The following SIAH1 variants were observed in gnomAD, a reference collection of about 807,000 sequenced individuals.
The protein encoded by SIAH1 is siah E3 ubiquitin protein ligase 1.
A neutral mutation model predicts 20.0 loss-of-function variants in SIAH1; 2 were observed. The observed-to-expected ratio is 0.10, with a 90% CI of 0.04 to 0.31. SIAH1 has a LOEUF of 0.31. Ranked by LOEUF, SIAH1 falls within the 10% of genes least tolerant of loss-of-function variation. The pLI is 1.00. For synonymous variants in SIAH1, 118 were observed against 125.3 expected, an observed-to-expected ratio of 0.94 and a Z score of 0.39; for missense variants, 119 against 355.3, an observed-to-expected ratio of 0.33 and a Z score of 5.35.
chr16:48,370,893 C>A (rs532661909), intron 1 of SIAH1, among the ~76,000 whole-genome samples: 3 of 151,826 alleles, frequency 2.0e-5, no homozygotes, highest in South Asian at 2.1e-4. Context: ...CTGGCGGGAT[C>A]GCTTGAGGTC....
chr16:48,385,763 C>G (rs567234099), upstream of SIAH1, among the ~76,000 whole-genome samples: 26 of 152,088 alleles, frequency 1.7e-4, no homozygotes, highest in African/African-American at 6.3e-4. Flanking sequence ...CGGCTCCGGC[C>G]GGAGGGGTCG....
intron 1 of SIAH1, among the ~76,000 whole-genome samples, chr16:48,379,307 G>A (rs35788196): frequency 1.3e-5 from 2 of 152,162 alleles, no homozygotes; most frequent in East Asian, 1.9e-4. Flanking sequence ...ATAGAACTAA[G>A]GCTTAGAGAG....
intron 1 of SIAH1, among the ~76,000 whole-genome samples, chr16:48,383,126 G>T (rs1024729172): frequency 6.6e-6 from 1 of 152,030 alleles, no homozygotes; most frequent in African/African-American, 2.4e-5. Context: ...GTACTTTGTG[G>T]AATACTTATC....
chr16:48,365,738 T>A, intron 1 of SIAH1: 1 of 1,377,730 alleles, frequency 7.3e-7, no homozygotes, highest in Non-Finnish European at 9.4e-7. Flanking sequence ...TCCTCCAATG[T>A]GCCCTAAGCT....
intron 1 of SIAH1, among the ~76,000 whole-genome samples, chr16:48,364,232 G>A (rs970207895): frequency 6.6e-5 from 10 of 151,976 alleles, no homozygotes; most frequent in African/African-American, 2.4e-4. Context: ...GAGCCACTGC[G>A]CCCGGCCACT....
chr16:48,361,447 C>T lies in SIAH1; in HGVS notation c.*133G>A. The T allele has an allele frequency of 1.2e-6, 1 of 807,754 alleles. No homozygotes were observed. Among genetic ancestry groups the T allele is most frequent in the Non-Finnish European group, 2.0e-6 (1 of 503,114 alleles). 50.0% of individuals were successfully genotyped at this position (807,754 alleles called of 1,614,324 possible). On this transcript the variant is annotated 3_prime_UTR_variant, in exon 2 of 2. Transcript: ENST00000394725. ...GCAACTGTTTCCTGTATTTAACAGCCTTTCTTTTTATTTACCTTCATGTGT... is the reference window on the plus strand; with the variant it reads ...GCAACTGTTTCCTGTATTTAACAGCTTTTCTTTTTATTTACCTTCATGTGT...
At chr16:48,366,754 A>G (rs1241837222) in intron 1 of SIAH1, among the ~76,000 whole-genome samples, 1 of 152,204 alleles carries the variant, frequency 6.6e-6, no homozygotes, top group Non-Finnish European at 1.5e-5. Flanking sequence ...ATTGCAGATT[A>G]CCCACTTTCA....
At chr16:48,381,705 C>T (rs1597034280) in intron 1 of SIAH1, among the ~76,000 whole-genome samples, 2 of 152,040 alleles carry the variant, frequency 1.3e-5, no homozygotes, top group East Asian at 1.9e-4. Context: ...CTGGAAAAGG[C>T]AAAACTATGG....
intron 1 of SIAH1, among the ~76,000 whole-genome samples, chr16:48,380,123 A>G (rs1961233367): frequency 6.6e-6 from 1 of 152,226 alleles, no homozygotes; most frequent in African/African-American, 2.4e-5. Context: ...CAAAAGACGT[A>G]TCTAAAAAAG....
At chr16:48,370,443 A>C (rs1397255896) in intron 1 of SIAH1, among the ~76,000 whole-genome samples, 1 of 152,188 alleles carries the variant, frequency 6.6e-6, no homozygotes. Flanking sequence ...ACTAAGTGCC[A>C]GGTAGACTCA....
At chr16:48,378,631 T>C (rs938940623) in intron 1 of SIAH1, among the ~76,000 whole-genome samples, 1 of 152,250 alleles carries the variant, frequency 6.6e-6, no homozygotes, top group Admixed American at 6.5e-5. Flanking sequence ...ATAAAAGTCC[T>C]AATATTGCTC....
At chr16:48,375,546 G>A (rs1469072485) in intron 1 of SIAH1, among the ~76,000 whole-genome samples, 1 of 152,248 alleles carries the variant, frequency 6.6e-6, no homozygotes, top group East Asian at 1.9e-4. Context: ...GCTGAGGCAA[G>A]AGAATTGCTT....
intron 1 of SIAH1, among the ~76,000 whole-genome samples, chr16:48,384,831 G>GGCGCGGGGC (rs1293751916): frequency 4.7e-5 from 7 of 148,082 alleles, no homozygotes; most frequent in Admixed American, 4.0e-4. Context: ...CCGGCACGAG[G>GGCGCGGGGC]GCGCGGGGCG....
intron 1 of SIAH1, among the ~76,000 whole-genome samples, chr16:48,379,499 G>A (rs1961205257): frequency 6.6e-6 from 1 of 152,132 alleles, no homozygotes; most frequent in African/African-American, 2.4e-5. Flanking sequence ...ACTATGCCTT[G>A]GTAAAAACAA....
In SIAH1 at chr16:48,362,503, TGCCATAA is replaced by T. The variant is rs781265061; in HGVS notation, c.-2-80_-2-74del. On this transcript the variant is annotated intron_variant, in intron 1 of 1. Transcript: ENST00000394725. This position sits in a 1 kb window ranked among gnomAD's most constrained non-coding sequence, Gnocchi z 4.2. ...ACTTACTTTATAAATAATGTTTACATGCCATAAGTCCTTTTAAAGTTTCATACAAAAT... is the reference window on the plus strand; with the variant it reads ...ACTTACTTTATAAATAATGTTTACATGTCCTTTTAAAGTTTCATACAAAAT... 16 of 1,466,002 alleles carry T rather than the reference TGCCATAA, an allele frequency of 1.1e-5. No individual in the cohort carries two copies. The highest frequency in any genetic ancestry group is 1.5e-5 in the Non-Finnish European group (16 of 1,060,660). The allele number at this position is 1,466,002 out of a possible 1,614,324, so 90.8% of individuals were successfully genotyped here.
chr16:48,361,980 T>A lies in SIAH1; in HGVS notation c.449A>T (p.His150Leu). ...TAGGGTTGTAATGGACTTATGCTGA[T>A]GCATCAGATGGGGCATTACAGCATC... ...SLDAVMPHLM[H>L]QHKSITTLQG... Residue 150 changes from histidine (H) to leucine (L), a missense_variant, in exon 2 of 2, where the codon CAT becomes CTT. His to Leu is a moderately conservative substitution (Grantham distance 99). Transcript: ENST00000394725. The A allele has an allele frequency of 6.2e-7, 1 of 1,614,194 alleles. No individual in the cohort carries two copies. The highest frequency in any genetic ancestry group is 1.7e-5 in the Admixed American group (1 of 60,018).
chr16:48,385,865 G>T (rs1961451660), upstream of SIAH1, among the ~76,000 whole-genome samples: 1 of 152,140 alleles, frequency 6.6e-6, no homozygotes, highest in Non-Finnish European at 1.5e-5. Flanking sequence ...CGCCTCCACG[G>T]ATCCTTCCCA....
intron 1 of SIAH1, among the ~76,000 whole-genome samples, chr16:48,368,255 A>G (rs999457590): frequency 2.0e-5 from 3 of 152,264 alleles, no homozygotes; most frequent in Non-Finnish European, 1.5e-5. Context: ...AGTTACCTAT[A>G]TGAGGATACT....
intron 1 of SIAH1, among the ~76,000 whole-genome samples, chr16:48,380,264 C>A (rs1166030975): frequency 1.3e-5 from 2 of 151,890 alleles, no homozygotes; most frequent in African/African-American, 4.8e-5. Context: ...CATGGCGAAA[C>A]CCCGTCTCTA....
Sources: allele counts gnomAD v4.1 joint callset (sites outside exome capture counted in the v4.1 genomes callset), GRCh38; gene constraint gnomAD v4.1.1; non-coding constraint Gnocchi (gnomAD v3.1); transcripts MANE v1.5; gene names NCBI Gene and HGNC (gene_info 2026-07-23, HGNC 2026-07-21).